The following NAALADL2 variants were observed in gnomAD, a reference collection of about 807,000 sequenced individuals.
The protein encoded by NAALADL2 is inactive N-acetylated-alpha-linked acidic dipeptidase-like protein 2.
Under a neutral mutation model 87.2 loss-of-function variants are expected in NAALADL2, and 76 were observed. That is an observed-to-expected ratio of 0.87 (90% CI 0.72 to 1.05). NAALADL2 has a LOEUF of 1.05. NAALADL2 is among the 50% of genes least tolerant of loss of function. NAALADL2 has a pLI of 0.00. For synonymous variants in NAALADL2, 354 were observed against 331.0 expected (o/e 1.07, Z -0.75); for missense variants, 1,089 against 945.8 (o/e 1.15, Z -1.99).
At chr3:175,181,601 A>G (rs1177570857) in intron 2 of NAALADL2, among the ~76,000 whole-genome samples, 1 of 150,626 alleles carries the variant, frequency 6.6e-6, no homozygotes, top group African/African-American at 2.4e-5. Flanking sequence ...TTCAGTTAGC[A>G]TGTCTTCCAG....
At chr3:174,545,976 C>T (rs1158720732) in intron 1 of NAALADL2, among the ~76,000 whole-genome samples, 2 of 150,192 alleles carry the variant, frequency 1.3e-5, no homozygotes, top group African/African-American at 4.9e-5. Context: ...TCTGTTTCTT[C>T]CTGTTTTCCT....
intron 2 of NAALADL2, among the ~76,000 whole-genome samples, chr3:174,701,131 A>G (rs1729513094): frequency 6.6e-6 from 1 of 151,790 alleles, no homozygotes; most frequent in Non-Finnish European, 1.5e-5. Context: ...ATATATTTAC[A>G]TTATTCATGT....
intron 4 of NAALADL2, among the ~76,000 whole-genome samples, chr3:175,300,587 T>A (rs34394234): frequency 0.37 from 56,730 of 151,666 alleles, 12,784 homozygotes; most frequent in African/African-American, 0.64. Flanking sequence ...AGGTGTTTAT[T>A]GTATTCTCTG....
intron 1 of NAALADL2, among the ~76,000 whole-genome samples, chr3:174,472,116 G>A (rs1399799): frequency 0.42 from 63,442 of 151,956 alleles, 14,348 homozygotes; most frequent in East Asian, 0.88. Context: ...GATCATATCT[G>A]TACTTCATCA....
chr3:175,498,995 C>A (rs1406853240), intron 9 of NAALADL2, among the ~76,000 whole-genome samples: 1 of 152,052 alleles, frequency 6.6e-6, no homozygotes, highest in African/African-American at 2.4e-5. Context: ...ATTTACCATG[C>A]TATGAATTTC....
intron 3 of NAALADL2, among the ~76,000 whole-genome samples, chr3:174,825,661 T>C (rs548634930): frequency 2.0e-5 from 3 of 152,324 alleles, no homozygotes; most frequent in Admixed American, 2.0e-4. Flanking sequence ...CCAGTATGCC[T>C]TCTTCCCTAT....
At chr3:174,784,249 T>A (rs1308223182) in intron 3 of NAALADL2, among the ~76,000 whole-genome samples, 3 of 152,112 alleles carry the variant, frequency 2.0e-5, no homozygotes, top group Non-Finnish European at 4.4e-5. Context: ...AGATATTGGC[T>A]TTTTTGGAAG....
At chr3:175,045,748 G>T (rs1754588034) in intron 1 of NAALADL2, among the ~76,000 whole-genome samples, 1 of 152,140 alleles carries the variant, frequency 6.6e-6, no homozygotes, top group Admixed American at 6.6e-5. Flanking sequence ...CAAGCTTAGA[G>T]AACTAAAATA....
chr3:175,232,237 G>GAAGAAGAAAAAAGA (rs2091000501), intron 2 of NAALADL2, among the ~76,000 whole-genome samples: 1 of 149,342 alleles, frequency 6.7e-6, no homozygotes, highest in South Asian at 2.1e-4. Flanking sequence ...AGAGGAAGAG[G>GAAGAAGAAAAAAGA]AAGAAGAAAG....
intron 1 of NAALADL2, chr3:175,079,608 T>A (rs753228841): frequency 6.6e-6 from 1 of 152,212 alleles, no homozygotes; most frequent in African/African-American, 2.4e-5. Flanking sequence ...AGCAGGAGAT[T>A]CGAGATATTG....
chr3:175,140,841 A>G (rs188047020), intron 2 of NAALADL2, among the ~76,000 whole-genome samples: 241 of 152,254 alleles, frequency 1.6e-3, no homozygotes, highest in African/African-American at 5.7e-3. Context: ...ATATGTATAT[A>G]GGTGTGGTGA....
At chr3:174,882,689 C>T (rs1451224326) in intron 1 of NAALADL2, among the ~76,000 whole-genome samples, 1 of 122,916 alleles carries the variant, frequency 8.1e-6, no homozygotes, top group African/African-American at 4.3e-5. Context: ...ATATGTGTAT[C>T]CGTGTATATA....
At chr3:175,506,540 G>A (rs1285762382) in intron 9 of NAALADL2, among the ~76,000 whole-genome samples, 1 of 152,170 alleles carries the variant, frequency 6.6e-6, no homozygotes, top group Non-Finnish European at 1.5e-5. Context: ...GTTGAAAAAT[G>A]TAAACTACTT....
chr3:175,038,800 C>T (rs1168628560), intron 1 of NAALADL2, among the ~76,000 whole-genome samples: 3 of 151,058 alleles, frequency 2.0e-5, no homozygotes, highest in Non-Finnish European at 4.4e-5. Context: ...TTTTTTTAAG[C>T]TTTGCCTATG....
At chr3:174,624,133 A>G (rs546297452) in intron 2 of NAALADL2, among the ~76,000 whole-genome samples, 1 of 152,312 alleles carries the variant, frequency 6.6e-6, no homozygotes, top group South Asian at 2.1e-4. Flanking sequence ...ACATTTCTGC[A>G]TAAACATCAT....
intron 2 of NAALADL2, among the ~76,000 whole-genome samples, chr3:174,685,740 G>T (rs920219227): frequency 6.6e-6 from 1 of 152,034 alleles, no homozygotes; most frequent in Non-Finnish European, 1.5e-5. Flanking sequence ...GTGTCATGGG[G>T]GTTTAGTGTA....
intron 5 of NAALADL2, among the ~76,000 whole-genome samples, chr3:175,402,722 A>G (rs1711548478): frequency 6.6e-6 from 1 of 151,876 alleles, no homozygotes; most frequent in African/African-American, 2.4e-5. Flanking sequence ...TCAGAACTGG[A>G]TTTTAGTATC....
rs560342516 is a variant in NAALADL2, at chr3:174,495,828, T to G, written c.-183-54741T>G. ...AGTACTATTGAGCTGTAATTCAATTTCAGTGGAACTGTTTCCCCATCCATT... is the reference window on the plus strand; with the variant it reads ...AGTACTATTGAGCTGTAATTCAATTGCAGTGGAACTGTTTCCCCATCCATT... On this transcript the variant is annotated intron_variant, in intron 1 of 3. Coordinates refer to the NAALADL2 transcript ENST00000434257. Among the ~76,000 whole-genome samples the G allele has an allele frequency of 2.2e-3, 341 of 152,320 alleles. 3 individuals are homozygous for G. Among genetic ancestry groups the G allele is most frequent in the African/African-American group, 7.9e-3 (327 of 41,572 alleles).
intron 2 of NAALADL2, among the ~76,000 whole-genome samples, chr3:174,687,219 T>G (rs1578547844): frequency 6.6e-6 from 1 of 152,154 alleles, no homozygotes; most frequent in Admixed American, 6.5e-5. Context: ...TCTCGAGCCT[T>G]TTGTAATTTC....
Sources: gnomAD v4.1 joint callset for allele counts (sites outside exome capture counted in the v4.1 genomes callset) on GRCh38, gnomAD v4.1.1 for gene constraint, MANE v1.5 for transcripts, NCBI Gene and HGNC (gene_info 2026-07-23, HGNC 2026-07-21) for gene names.